The following IGSF5 variants were observed in gnomAD, a reference collection of about 807,000 sequenced individuals.
IGSF5 encodes immunoglobulin superfamily 5 like.
A neutral mutation model predicts 39.4 loss-of-function variants in IGSF5; 41 were observed. The ratio of observed to expected loss-of-function variants is 1.04; its 90% CI spans 0.81 to 1.35. The LOEUF (loss-of-function observed/expected upper bound fraction) is 1.35, where lower values mean the gene tolerates loss of function less well. Ranked by LOEUF, IGSF5 falls within the 40% of genes most tolerant of loss-of-function variation. The probability of loss-of-function intolerance (pLI) is 0.00; values close to 1 mark genes in which losing one functional copy is unlikely to be tolerated. For missense variants in IGSF5, 487 were observed against 494.6 expected, an observed-to-expected ratio of 0.98 and a Z score of 0.15; for synonymous variants, 183 against 175.3, an observed-to-expected ratio of 1.04 and a Z score of -0.34.
At chr21:39,733,740 T>C in the IGSF5 span, among the ~76,000 whole-genome samples, 1 of 152,244 alleles carries the variant, frequency 6.6e-6, no homozygotes, top group African/African-American at 2.4e-5. Flanking sequence ...TTGACGGCTC[T>C]AGGGATGAAT....
chr21:39,712,169 G>A, the IGSF5 span, among the ~76,000 whole-genome samples: 3 of 152,184 alleles, frequency 2.0e-5, no homozygotes, highest in Non-Finnish European at 1.5e-5. Flanking sequence ...ATCTTGGAGT[G>A]TAGTGCCCCA....
the IGSF5 span, among the ~76,000 whole-genome samples, chr21:39,723,617 C>T: frequency 1.3e-5 from 2 of 152,150 alleles, no homozygotes; most frequent in East Asian, 1.9e-4. Context: ...TGGTACAGAT[C>T]GTGTCACCCT....
the IGSF5 span, among the ~76,000 whole-genome samples, chr21:39,714,399 G>A: frequency 3.3e-5 from 5 of 152,188 alleles, no homozygotes; most frequent in African/African-American, 7.2e-5. Context: ...GCAAACATAA[G>A]TTTTTGCTTG....
upstream of IGSF5, among the ~76,000 whole-genome samples, chr21:39,743,855 C>CG (rs1289273906): frequency 7.0e-6 from 1 of 142,744 alleles, no homozygotes; most frequent in East Asian, 2.1e-4. Flanking sequence ...GAGAATATCA[C>CG]GGCCAGGCGG....
chr21:39,785,165 A>G (rs994002346), intron 5 of IGSF5, among the ~76,000 whole-genome samples: 5 of 151,738 alleles, frequency 3.3e-5, no homozygotes, highest in Admixed American at 1.3e-4. Flanking sequence ...AATGTTAGGT[A>G]TATCTCCTAA....
intron 3 of IGSF5, 62 bp from the exon 4 acceptor site, chr21:39,770,854 G>T: frequency 1.2e-4 from 126 of 1,067,010 alleles, no homozygotes; most frequent in South Asian, 1.4e-4. Flanking sequence ...AAAAAAAAAA[G>T]AAAACTTAGA....
At chr21:39,757,270 C>T (rs1056111582) in intron 2 of IGSF5, among the ~76,000 whole-genome samples, 27 of 26,298 alleles carry the variant, frequency 1.0e-3, no homozygotes, top group East Asian at 2.8e-3. Flanking sequence ...TTTATTCATT[C>T]GGTTGCCTTT....
intron 2 of IGSF5, among the ~76,000 whole-genome samples, chr21:39,754,924 C>T (rs572586496): frequency 6.6e-6 from 1 of 152,242 alleles, no homozygotes; most frequent in South Asian, 2.1e-4. Context: ...CTGCTTGGTT[C>T]CTGGAGCTCT....
chr21:39,792,071 C>T lies in IGSF5; in HGVS notation c.1020C>T (p.Gly340=). The T allele has an allele frequency of 1.9e-6, 3 of 1,610,540 alleles. No individual in the cohort carries two copies. Among genetic ancestry groups the T allele is most frequent in the Non-Finnish European group, 2.5e-6 (3 of 1,178,238 alleles). ...TETESGNENS[G]YNSDEQKTTD... ...CAGAAAGTGGAAATGAAAACTCCGGCTACAATTCAGATGAACAAAAGACCA... is the reference window on the plus strand; with the variant it reads ...CAGAAAGTGGAAATGAAAACTCCGGTTACAATTCAGATGAACAAAAGACCA... Residue 340 remains glycine (G), a synonymous_variant, in exon 7 of 9, where the codon GGC becomes GGT. Coordinates refer to ENST00000380588, the MANE Select transcript of IGSF5 (RefSeq NM_001080444.2).
chr21:39,753,545 G>C (rs1233605072), intron 2 of IGSF5, among the ~76,000 whole-genome samples: 3 of 152,176 alleles, frequency 2.0e-5, no homozygotes, highest in Non-Finnish European at 4.4e-5. Flanking sequence ...TTTCTGCCTT[G>C]ATGATCTGTC....
In IGSF5 at chr21:39,749,276, G is replaced by A. The variant is rs570717923; in HGVS notation, c.100+2978G>A. 8.0e-5 allele frequency among the ~76,000 whole-genome samples: 12 copies of A among 149,814 alleles called. No homozygotes were observed. The East Asian group carries it at 1.4e-3, about 17-fold the overall frequency. Reference sequence around the variant, plus strand: ...CACCCAGGCTGGAGTGCAGTGGCACGATCTCCACTCACTGCAACCTCCGCC... The same window carrying A: ...CACCCAGGCTGGAGTGCAGTGGCACAATCTCCACTCACTGCAACCTCCGCC... On this transcript the variant is annotated intron_variant, in intron 2 of 8. Transcript: ENST00000380588.
chr21:39,736,429 T>TACCAA, the IGSF5 span, among the ~76,000 whole-genome samples: 1 of 146,702 alleles, frequency 6.8e-6, no homozygotes, highest in African/African-American at 2.8e-5. Context: ...TCTCCCAAAT[T>TACCAA]ACCAAACAAA....
chr21:39,723,616 T>A, the IGSF5 span, among the ~76,000 whole-genome samples: 2 of 152,094 alleles, frequency 1.3e-5, no homozygotes, highest in African/African-American at 2.4e-5. Flanking sequence ...GTGGTACAGA[T>A]CGTGTCACCC....
intron 5 of IGSF5, 124 bp from the exon 6 acceptor site, chr21:39,788,043 C>T: frequency 1.4e-6 from 1 of 703,324 alleles, no homozygotes; most frequent in Non-Finnish European, 2.4e-6. Context: ...CTTAATAATG[C>T]TCCTTGGGTC....
At chr21:39,768,676 C>T (rs1018829171) in intron 3 of IGSF5, among the ~76,000 whole-genome samples, 1 of 152,236 alleles carries the variant, frequency 6.6e-6, no homozygotes, top group African/African-American at 2.4e-5. Flanking sequence ...AACCGTCTCT[C>T]TGTCAAACAA....
chr21:39,724,436 G>T, the IGSF5 span, among the ~76,000 whole-genome samples: 2 of 152,184 alleles, frequency 1.3e-5, no homozygotes, highest in Non-Finnish European at 2.9e-5. Flanking sequence ...GACCCTGTGG[G>T]AGGTAATTGA....
chr21:39,770,842 G>T, intron 3 of IGSF5, 74 bp from the exon 4 acceptor site: 8 of 917,918 alleles, frequency 8.7e-6, no homozygotes, highest in Non-Finnish European at 1.1e-5. Context: ...AAAAAAAAAA[G>T]AAAAAAAAAA....
the IGSF5 span, among the ~76,000 whole-genome samples, chr21:39,724,986 A>C: frequency 6.6e-6 from 1 of 152,230 alleles, no homozygotes; most frequent in Admixed American, 6.5e-5. Context: ...CAAAGTATTT[A>C]CACCCTAGAG....
chr21:39,785,455 T>A (rs1488954895), intron 5 of IGSF5, among the ~76,000 whole-genome samples: 1 of 152,220 alleles, frequency 6.6e-6, no homozygotes, highest in Non-Finnish European at 1.5e-5. Context: ...TTTTGGTTAC[T>A]GTAGCCTTGT....
Sources: allele counts gnomAD v4.1 joint callset (sites outside exome capture counted in the v4.1 genomes callset), GRCh38; gene constraint gnomAD v4.1.1; transcripts MANE v1.5; gene names NCBI Gene and HGNC (gene_info 2026-07-23, HGNC 2026-07-21).